NRP1: variants seen among roughly 807,000 people sequenced by gnomAD.
NRP1 encodes neuropilin 1.
Under a neutral mutation model 106.7 loss-of-function variants are expected in NRP1, and 35 were observed. The ratio of observed to expected loss-of-function variants is 0.33; its 90% CI spans 0.25 to 0.43. NRP1 has a LOEUF of 0.43. Among genes scored for constraint, NRP1 ranks in the 20% least tolerant of loss-of-function variants. The pLI, the probability that NRP1 is intolerant of heterozygous loss-of-function variation, is 1.00. For synonymous variants in NRP1, 437 were observed against 417.9 expected (o/e 1.05, Z -0.56); for missense variants, 1,024 against 1,170.4 (o/e 0.87, Z 1.83).
chr10:33,279,721 A>C (rs1415979986), intron 2 of NRP1, among the ~76,000 whole-genome samples: 1 of 152,090 alleles, frequency 6.6e-6, no homozygotes, highest in Non-Finnish European at 1.5e-5. Flanking sequence ...TCTGCCTACC[A>C]CTAAGACCAC....
intron 13 of NRP1, among the ~76,000 whole-genome samples, chr10:33,188,930 T>TATATATAA (rs1836215730): frequency 7.0e-6 from 1 of 142,522 alleles, no homozygotes; most frequent in African/African-American, 2.7e-5. Context: ...TATATATATA[T>TATATATAA]ATATATAAAT....
chr10:33,324,629 T>C (rs1189868338), intron 2 of NRP1, among the ~76,000 whole-genome samples: 1 of 147,476 alleles, frequency 6.8e-6, no homozygotes, highest in Non-Finnish European at 1.5e-5. Context: ...TGTTCAAGGA[T>C]AGTACCCACA....
intron 5 of NRP1, among the ~76,000 whole-genome samples, chr10:33,255,050 A>G (rs1392283825): frequency 6.6e-6 from 1 of 152,200 alleles, no homozygotes; most frequent in Non-Finnish European, 1.5e-5. Context: ...TGTTTATCCA[A>G]AGTACACAAG....
intron 2 of NRP1, among the ~76,000 whole-genome samples, chr10:33,309,909 C>G (rs1846448785): frequency 6.6e-6 from 1 of 151,660 alleles, no homozygotes; most frequent in African/African-American, 2.4e-5. Context: ...AAAAGCCTCT[C>G]AAAATGTTCG....
chr10:33,329,755 C>T (rs1301967355), intron 2 of NRP1, among the ~76,000 whole-genome samples: 4 of 152,170 alleles, frequency 2.6e-5, no homozygotes, highest in Non-Finnish European at 4.4e-5. Context: ...CTGGAGACTA[C>T]ACCACTTTCA....
chr10:33,239,306 T>C (rs1840826623), intron 6 of NRP1, among the ~76,000 whole-genome samples: 1 of 150,118 alleles, frequency 6.7e-6, no homozygotes, highest in Admixed American at 6.7e-5. Context: ...AAAATGGGGG[T>C]CTTCTTCACT....
At chr10:33,269,375 C>T (rs943309232) in intron 3 of NRP1, among the ~76,000 whole-genome samples, 2 of 152,158 alleles carry the variant, frequency 1.3e-5, no homozygotes, top group Admixed American at 6.5e-5. Flanking sequence ...TCAACTGCAG[C>T]CTCCAACTCC....
At chr10:33,263,912 C>A (rs1159191723) in intron 3 of NRP1, 39 bp from the exon 4 acceptor site, 1 of 1,319,380 alleles carries the variant, frequency 7.6e-7, no homozygotes, top group Non-Finnish European at 1.1e-6. Flanking sequence ...GTGAAAATCC[C>A]ACTTAAACAA....
chr10:33,237,847 C>A (rs751504955), intron 6 of NRP1, among the ~76,000 whole-genome samples: 1 of 152,090 alleles, frequency 6.6e-6, no homozygotes, highest in East Asian at 1.9e-4. Flanking sequence ...CCACCAGGCC[C>A]GGCCCGATGA....
chr10:33,198,145 T>C (rs1380929041), intron 11 of NRP1, among the ~76,000 whole-genome samples: 1 of 62,048 alleles, frequency 1.6e-5, no homozygotes, highest in Non-Finnish European at 2.7e-5. Context: ...AATTTTTAAA[T>C]TTTTTTTTTT....
intron 11 of NRP1, among the ~76,000 whole-genome samples, chr10:33,198,548 C>T (rs1034138966): frequency 1.3e-5 from 2 of 151,950 alleles, no homozygotes; most frequent in African/African-American, 2.4e-5. Flanking sequence ...GATTCCCAGA[C>T]GACGCATGGC....
At chr10:33,193,204 G>A (rs1043797746) in intron 12 of NRP1, among the ~76,000 whole-genome samples, 5 of 151,968 alleles carry the variant, frequency 3.3e-5, no homozygotes, top group African/African-American at 1.2e-4. Context: ...GAATTCACGG[G>A]AATGACTTGC....
chr10:33,294,191 G>T (rs1426655522), intron 2 of NRP1, among the ~76,000 whole-genome samples: 1 of 152,206 alleles, frequency 6.6e-6, no homozygotes, highest in East Asian at 1.9e-4. Flanking sequence ...ACGCTTCAGT[G>T]AGTGTGGGAT....
intron 3 of NRP1, among the ~76,000 whole-genome samples, chr10:33,267,479 A>T (rs1390677721): frequency 1.3e-5 from 2 of 152,198 alleles, no homozygotes; most frequent in Non-Finnish European, 2.9e-5. Flanking sequence ...AAGGACAGAG[A>T]ATAATAACAG....
At chr10:33,285,613 T>C (rs999965) in intron 2 of NRP1, among the ~76,000 whole-genome samples, 93,579 of 151,930 alleles carry the variant, frequency 0.62, 29,216 homozygotes, top group East Asian at 0.67. Context: ...GAGGATCACC[T>C]GAGGTCAGGA....
chr10:33,262,323 G>A (rs1411796873), intron 4 of NRP1, among the ~76,000 whole-genome samples: 1 of 152,112 alleles, frequency 6.6e-6, no homozygotes, highest in African/African-American at 2.4e-5. Context: ...TCACAAGAGT[G>A]GAATGGAAAA....
intron 2 of NRP1, among the ~76,000 whole-genome samples, chr10:33,308,754 G>T (rs183220903): frequency 3.9e-5 from 6 of 152,236 alleles, no homozygotes; most frequent in Non-Finnish European, 8.8e-5. Flanking sequence ...CTCCCAAAGT[G>T]CTGGGATTAC....
At chr10:33,281,154 A>G (rs946375309) in intron 2 of NRP1, among the ~76,000 whole-genome samples, 1 of 151,624 alleles carries the variant, frequency 6.6e-6, no homozygotes, top group Non-Finnish European at 1.5e-5. Flanking sequence ...GGTTCAAGCG[A>G]TTCTCCTGCC....
intron 6 of NRP1, among the ~76,000 whole-genome samples, chr10:33,226,571 GT>G (rs1839688490): frequency 6.6e-6 from 1 of 152,182 alleles, no homozygotes; most frequent in African/African-American, 2.4e-5. Context: ...TGAAAAACTA[GT>G]TCAGGCTATG....
Sources: allele counts gnomAD v4.1 joint callset (sites outside exome capture counted in the v4.1 genomes callset), GRCh38; gene constraint gnomAD v4.1.1; transcripts MANE v1.5; gene names NCBI Gene and HGNC (gene_info 2026-07-23, HGNC 2026-07-21).